EVC: variants seen among roughly 807,000 people sequenced by gnomAD.
EVC encodes EvC ciliary complex subunit 1, also known as evC complex member EVC.
A neutral mutation model predicts 118.9 loss-of-function variants in EVC; 116 were observed. The observed-to-expected ratio is 0.98, with a 90% CI of 0.84 to 1.14. The LOEUF (loss-of-function observed/expected upper bound fraction) is 1.14. EVC is among the 50% of genes most tolerant of loss of function. The pLI, the probability that EVC is intolerant of heterozygous loss-of-function variation, is 0.00. For synonymous variants in EVC, 619 were observed against 534.7 expected (o/e 1.16, Z -2.18); for missense variants, 1,401 against 1,246.4 (o/e 1.12, Z -1.87).
Position 5,745,346 on chromosome 4 carries a change from G to A in EVC, c.939+5G>A, listed in dbSNP as rs1245634807. On this transcript the variant is annotated splice_donor_5th_base_variant and intron_variant, in intron 7 of 20. Transcript: ENST00000264956. The stretch of plus-strand genomic sequence containing the variant: ...TCTGAACAGCTAATCGATAATGTGC[G>A]TGCCAGACTTTCTTTCCTGTACACA... 7.4e-6 allele frequency: 12 copies of A among 1,612,892 alleles called. No homozygotes were observed. Among genetic ancestry groups the A allele is most frequent in the East Asian group, 2.2e-5 (1 of 44,814 alleles).
rs188738411 is a variant in EVC, at chr4:5,737,274, G to C, written c.702+3839G>C. 1.5e-4 allele frequency among the ~76,000 whole-genome samples: 23 copies of C among 152,330 alleles called. 1 individual carries two copies. In the East Asian group the frequency reaches 4.4e-3, roughly 29 times the overall value. Reference sequence around the variant, plus strand: ...AAATTTGAAGCTAGCAGAGCATGAGGTTTAAAGAAAGAAGCTGTCTCCAGA... The same window carrying C: ...AAATTTGAAGCTAGCAGAGCATGAGCTTTAAAGAAAGAAGCTGTCTCCAGA... On this transcript the variant is annotated intron_variant, in intron 5 of 20. Coordinates refer to ENST00000264956, the MANE Select transcript of EVC (RefSeq NM_153717.3). This position sits in a 1 kb window ranked among gnomAD's most constrained non-coding sequence, Gnocchi z 5.0.
intron 1 of EVC, among the ~76,000 whole-genome samples, chr4:5,716,112 A>G (rs1420389289): frequency 6.6e-6 from 1 of 152,210 alleles, no homozygotes; most frequent in Non-Finnish European, 1.5e-5. Flanking sequence ...CCAGATAGCG[A>G]CACTGAGGTT....
At position 5,808,433 on chromosome 4, in the gene EVC, C is replaced by A. The variant is rs191387277; in HGVS notation, c.2688+106C>A. On this transcript the variant is annotated intron_variant, in intron 18 of 20. Coordinates refer to ENST00000264956, the MANE Select transcript of EVC (RefSeq NM_153717.3). Reference sequence around the variant, plus strand: ...CGTCAGCCATGGGGACTGCACTTCCCTGCCTGTGGCATCGTTGACCCGCTG... The same window carrying A: ...CGTCAGCCATGGGGACTGCACTTCCATGCCTGTGGCATCGTTGACCCGCTG... 5,499 of 1,546,072 alleles carry A rather than the reference C, an allele frequency of 3.6e-3. 18 individuals are homozygous for A. Among genetic ancestry groups the A allele is most frequent in the Non-Finnish European group, 4.3e-3 (4,919 of 1,131,418 alleles).
chr4:5,808,502 G>C (rs974461106), intron 18 of EVC, among the ~76,000 whole-genome samples, 175 bp downstream of exon 18: 6 of 152,202 alleles, frequency 3.9e-5, no homozygotes, highest in African/African-American at 1.4e-4. Context: ...TTAGGACCCT[G>C]AGCCCCTGGA....
chr4:5,729,572 C>T (rs138747947), intron 3 of EVC, among the ~76,000 whole-genome samples, 182 bp downstream of exon 3: 7 of 152,214 alleles, frequency 4.6e-5, no homozygotes, highest in Admixed American at 3.3e-4. Context: ...AACCACGGTA[C>T]GGAAGTTCCA....
intron 2 of EVC, among the ~76,000 whole-genome samples, chr4:5,724,141 G>C (rs189603533): frequency 1.3e-5 from 2 of 152,260 alleles, no homozygotes; most frequent in African/African-American, 2.4e-5. Context: ...CAAGCTGACA[G>C]ATGTGTGATA....
chr4:5,814,748 T>C (rs1717418575), downstream of EVC, among the ~76,000 whole-genome samples: 1 of 151,806 alleles, frequency 6.6e-6, no homozygotes, highest in Non-Finnish European at 1.5e-5. Flanking sequence ...GTGCATTCTT[T>C]CTGGAAGACC....
chr4:5,825,900 G>A, the EVC span: 2 of 532,808 alleles, frequency 3.8e-6, no homozygotes, highest in Non-Finnish European at 6.5e-6. This position sits in a 1 kb window ranked among gnomAD's most constrained non-coding sequence, Gnocchi z 4.4. Flanking sequence ...TACACATACA[G>A]ACGCACACAC....
At position 5,759,800 on chromosome 4, in the gene EVC, G is replaced by C. The variant is rs181968884; in HGVS notation, c.1563+3438G>C. ...CATTTAGAAAGTTTATTTTGCCAAG[G>C]TTGAGGCTGCGCGAGCCTGGGACAC... On this transcript the variant is annotated intron_variant, in intron 11 of 20. Coordinates refer to ENST00000264956, the MANE Select transcript of EVC (RefSeq NM_153717.3). 2.7e-3 allele frequency among the ~76,000 whole-genome samples: 415 copies of C among 152,312 alleles called. 1 individual carries two copies. Among genetic ancestry groups the C allele is most frequent in the African/African-American group, 9.7e-3 (402 of 41,576 alleles).
intron 1 of EVC, among the ~76,000 whole-genome samples, chr4:5,715,812 C>T (rs899235460): frequency 6.4e-5 from 9 of 141,410 alleles, no homozygotes; most frequent in Non-Finnish European, 7.5e-5. Context: ...AGTGCAATCT[C>T]GGCTCACTGC....
chr4:5,745,983 A>T (rs1398157455), intron 7 of EVC, among the ~76,000 whole-genome samples: 1 of 152,178 alleles, frequency 6.6e-6, no homozygotes, highest in Non-Finnish European at 1.5e-5. Context: ...GGAAGAGTTC[A>T]TTTTACCCCA....
At chr4:5,783,415 C>T (rs111871856) in intron 11 of EVC, 137 bp from the exon 12 acceptor site, 74 of 809,730 alleles carry the variant, frequency 9.1e-5, no homozygotes, top group South Asian at 3.4e-4. Context: ...TGCTTGCATA[C>T]GTGTGACTTG....
At chr4:5,723,191 CTT>C (rs542977317) in intron 2 of EVC, among the ~76,000 whole-genome samples, 19 of 140,686 alleles carry the variant, frequency 1.4e-4, no homozygotes, top group Middle Eastern at 3.6e-3. Context: ...TCCTTTCCTT[CTT>C]TTTTTTTTTT....
chr4:5,761,502 C>A (rs13134383), intron 11 of EVC, among the ~76,000 whole-genome samples: 1 of 80,644 alleles, frequency 1.2e-5, no homozygotes, highest in Non-Finnish European at 2.5e-5. Flanking sequence ...AGGCGGGGGG[C>A]GGGGGGTGGT....
At chr4:5,818,383 A>G (rs1286703483), downstream of EVC, among the ~76,000 whole-genome samples, 3 of 152,206 alleles carry the variant, frequency 2.0e-5, no homozygotes, top group African/African-American at 7.2e-5. Flanking sequence ...CTGGGACATC[A>G]GAGCCAACAG....
At chr4:5,748,634 GCCCTCCCACCCATTTA>G (rs1729804230) in intron 8 of EVC, among the ~76,000 whole-genome samples, 3 of 90,066 alleles carry the variant, frequency 3.3e-5, no homozygotes, top group African/African-American at 8.5e-5. Context: ...CCATCCATCT[GCCCTCCCACCCATTTA>G]TCCATCCATC....
intron 11 of EVC, among the ~76,000 whole-genome samples, chr4:5,782,705 G>A (rs763981197): frequency 6.6e-5 from 10 of 151,992 alleles, no homozygotes; most frequent in Non-Finnish European, 8.8e-5. Context: ...CAGGACAGCC[G>A]GAGCCATCTC....
At chr4:5,810,153 G>A (rs1716653385) in intron 19 of EVC, among the ~76,000 whole-genome samples, 186 bp from the exon 20 acceptor site, 1 of 152,226 alleles carries the variant, frequency 6.6e-6, no homozygotes, top group Non-Finnish European at 1.5e-5. Context: ...GCTTGGGAGA[G>A]TACGTCACCT....
chr4:5,763,300 G>A (rs923202602), intron 11 of EVC, among the ~76,000 whole-genome samples: 1 of 146,790 alleles, frequency 6.8e-6, no homozygotes, highest in African/African-American at 2.6e-5. Flanking sequence ...TTTGGTTACT[G>A]TAGCCTTGTA....
Sources: gnomAD v4.1 joint callset for allele counts (sites outside exome capture counted in the v4.1 genomes callset) on GRCh38, gnomAD v4.1.1 for gene constraint, Gnocchi (gnomAD v3.1) non-coding constraint, MANE v1.5 for transcripts, NCBI Gene and HGNC (gene_info 2026-07-23, HGNC 2026-07-21) for gene names.